The following DPRX variants were observed in gnomAD, a reference collection of about 807,000 sequenced individuals.
DPRX encodes the protein divergent paired-related homeobox.
DPRX carries 11 observed loss-of-function variants against 8.4 expected under a neutral mutation model. The observed-to-expected ratio is 1.31, with a 90% confidence interval of 0.82 to 2.17. DPRX has a LOEUF of 2.17. Ranked by LOEUF, DPRX falls within the 30% of genes most tolerant of loss-of-function variation. The probability of loss-of-function intolerance (pLI) is 0.00; values close to 1 mark genes in which losing one functional copy is unlikely to be tolerated. For synonymous variants in DPRX, 72 were observed against 87.0 expected (o/e 0.83, Z 0.96); for missense variants, 211 against 236.7 (o/e 0.89, Z 0.71).
At chr19:53,626,153 G>C in the DPRX span, among the ~76,000 whole-genome samples, 1 of 152,106 alleles carries the variant, frequency 6.6e-6, no homozygotes, top group Non-Finnish European at 1.5e-5. Context: ...GCCCAGGCTG[G>C]TCACAAACTC....
At position 53,636,977 on chromosome 19, in the gene DPRX, C is replaced by T. The variant is rs377492034; in HGVS notation, c.565C>T (p.Arg189Ter). The change falls in exon 3 of 3, where the codon CGA (arginine) becomes TGA (stop). Residue 189 changes from arginine (R) to a stop codon, truncating the protein, a stop_gained. Transcript: ENST00000376650. LOFTEE classifies it high-confidence loss of function. Reference sequence around the variant, plus strand: ...TCCTGCCTGTTCATCTAACCAAAGTCGAGAGAGATGATAAATACAAAAAGT... The same window carrying T: ...TCCTGCCTGTTCATCTAACCAAAGTTGAGAGAGATGATAAATACAAAAAGT... The T allele has an allele frequency of 1.2e-5, 19 of 1,598,060 alleles. No individual in the cohort carries two copies. The highest frequency in any genetic ancestry group is 1.1e-4 in the African/African-American group (8 of 74,462).
At chr19:53,629,895 G>C (rs1402339030), upstream of DPRX, 1 of 151,716 alleles carries the variant, frequency 6.6e-6, no homozygotes, top group Non-Finnish European at 1.5e-5. Flanking sequence ...GGTCTAGGTT[G>C]AAAATGGAGC....
At chr19:53,606,692 GCAC>G in the DPRX span, 783 of 151,516 alleles carry the variant, frequency 5.2e-3, 11 homozygotes, top group African/African-American at 0.017. This position sits in a 1 kb window ranked among gnomAD's most constrained non-coding sequence, Gnocchi z 4.8. Context: ...ACAGGTATAT[GCAC>G]CGGGCGGTGA....
chr19:53,604,616 G>A, the DPRX span: 3 of 152,518 alleles, frequency 2.0e-5, no homozygotes, highest in East Asian at 3.9e-4. Flanking sequence ...GCTAAGGTGA[G>A]CGGATCACCT....
the DPRX span, among the ~76,000 whole-genome samples, chr19:53,626,999 C>T: frequency 6.6e-6 from 1 of 152,026 alleles, no homozygotes; most frequent in East Asian, 1.9e-4. Context: ...CCCTCTGTTG[C>T]ACATCTTGAC....
chr19:53,620,311 C>T, the DPRX span, among the ~76,000 whole-genome samples: 111 of 151,894 alleles, frequency 7.3e-4, 1 homozygote, highest in Non-Finnish European at 1.3e-3. Flanking sequence ...CCTCATGATC[C>T]GCCCACCTTG....
At chr19:53,614,423 C>G in the DPRX span, among the ~76,000 whole-genome samples, 1 of 152,014 alleles carries the variant, frequency 6.6e-6, no homozygotes, top group Non-Finnish European at 1.5e-5. Context: ...AATAGGCGGA[C>G]CACGGTGGCT....
At chr19:53,634,168 C>T (rs1158365735) in intron 1 of DPRX, among the ~76,000 whole-genome samples, 3 of 151,968 alleles carry the variant, frequency 2.0e-5, no homozygotes, top group South Asian at 2.1e-4. Context: ...CAGTGGCTCA[C>T]GCATGTAATC....
the DPRX span, among the ~76,000 whole-genome samples, chr19:53,618,616 A>T: frequency 4.6e-4 from 17 of 37,140 alleles, no homozygotes; most frequent in East Asian, 5.1e-3. Context: ...CCCCATCTCT[A>T]AAAAAAAAAA....
At chr19:53,632,972 C>G (rs1016514897) in intron 1 of DPRX, among the ~76,000 whole-genome samples, 3 of 152,088 alleles carry the variant, frequency 2.0e-5, no homozygotes, top group Admixed American at 6.6e-5. Context: ...GGAGCTGCTG[C>G]CAAACCATTT....
At chr19:53,623,348 G>T in the DPRX span, among the ~76,000 whole-genome samples, 4 of 97,996 alleles carry the variant, frequency 4.1e-5, no homozygotes, top group Admixed American at 4.5e-4. Context: ...TAAATAAAAG[G>T]CCATTCCTGG....
At chr19:53,609,466 CAAAAAAAAAAAA>C in the DPRX span, among the ~76,000 whole-genome samples, 1 of 55,486 alleles carries the variant, frequency 1.8e-5, no homozygotes, top group Non-Finnish European at 3.1e-5. Context: ...GACTCGGTCT[CAAAAAAAAAAAA>C]AAAAAAAAAA....
At chr19:53,602,093 G>T in the DPRX span, 18 of 456,716 alleles carry the variant, frequency 3.9e-5, no homozygotes, top group Middle Eastern at 3.3e-4. Flanking sequence ...CTGCGATGTA[G>T]ATCAGCTCTC....
the DPRX span, chr19:53,601,346 C>G: frequency 2.2e-6 from 1 of 456,594 alleles, no homozygotes; most frequent in Non-Finnish European, 4.4e-6. Flanking sequence ...GAGATGCTGA[C>G]CAGAGGAGAA....
chr19:53,634,185 C>CT (rs1009145660), intron 1 of DPRX, among the ~76,000 whole-genome samples: 2 of 151,426 alleles, frequency 1.3e-5, no homozygotes, highest in Admixed American at 1.3e-4. Flanking sequence ...AATCCCAACA[C>CT]TTTGGGAGGC....
At chr19:53,620,273 G>T in the DPRX span, among the ~76,000 whole-genome samples, 6 of 151,930 alleles carry the variant, frequency 3.9e-5, no homozygotes, top group Non-Finnish European at 8.8e-5. Context: ...GTTTCACCAT[G>T]TTAGCCAGGA....
chr19:53,629,480 G>A (rs553300008), upstream of DPRX, among the ~76,000 whole-genome samples: 209 of 150,098 alleles, frequency 1.4e-3, no homozygotes, highest in African/African-American at 4.8e-3. Context: ...GGGCTCAAGC[G>A]ATCCTCCCTT....
the DPRX span, among the ~76,000 whole-genome samples, chr19:53,612,885 T>C: frequency 1.3e-5 from 2 of 152,092 alleles, 1 homozygote; most frequent in South Asian, 4.1e-4. Context: ...CTGGCCTCTC[T>C]GAGCAGCCTT....
chr19:53,633,365 T>C (rs933326985), intron 1 of DPRX, among the ~76,000 whole-genome samples: 1 of 152,178 alleles, frequency 6.6e-6, no homozygotes, highest in African/African-American at 2.4e-5. Flanking sequence ...CCTAAAAGAA[T>C]ATACTTAATG....
Sources: allele counts gnomAD v4.1 joint callset (sites outside exome capture counted in the v4.1 genomes callset), GRCh38; gene constraint gnomAD v4.1.1; non-coding constraint Gnocchi (gnomAD v3.1); transcripts MANE v1.5; gene names NCBI Gene and HGNC (gene_info 2026-07-23, HGNC 2026-07-21).